HELLS: variants seen among roughly 807,000 people sequenced by gnomAD.
HELLS encodes the protein lymphoid-specific helicase.
Under a neutral mutation model 120.0 loss-of-function variants are expected in HELLS, and 32 were observed. The observed-to-expected ratio is 0.27, with a 90% CI of 0.20 to 0.36. HELLS has a LOEUF of 0.36. Ranked by LOEUF, HELLS falls within the 10% of genes least tolerant of loss-of-function variation. The pLI is 1.00. For missense variants in HELLS, 650 were observed against 993.4 expected (o/e 0.65, Z 4.65); for synonymous variants, 341 against 323.4 (o/e 1.05, Z -0.58).
chr10:94,579,433 C>T (rs928641501), intron 10 of HELLS, among the ~76,000 whole-genome samples: 1 of 151,846 alleles, frequency 6.6e-6, no homozygotes, highest in Admixed American at 6.6e-5. Flanking sequence ...GATCTCCTGC[C>T]CTCGTGATCC....
chr10:94,595,830 T>C (rs140789253), intron 19 of HELLS, among the ~76,000 whole-genome samples: 3 of 152,344 alleles, frequency 2.0e-5, no homozygotes, highest in Non-Finnish European at 2.9e-5. Flanking sequence ...ATAATGTTAA[T>C]GTGAAAAGTA....
intron 10 of HELLS, among the ~76,000 whole-genome samples, chr10:94,580,184 C>A (rs1319832760): frequency 2.8e-4 from 22 of 77,514 alleles, no homozygotes; most frequent in African/African-American, 1.1e-3. Flanking sequence ...CACACACACA[C>A]ATTTTTTTTT....
chr10:94,551,494 G>C (rs1477977827), intron 2 of HELLS, among the ~76,000 whole-genome samples: 1 of 152,000 alleles, frequency 6.6e-6, no homozygotes, highest in African/African-American at 2.4e-5. Flanking sequence ...TTGAACCCGG[G>C]AGGCGGAGGC....
At chr10:94,559,782 A>AAAT (rs1843460158) in intron 4 of HELLS, among the ~76,000 whole-genome samples, 1 of 152,128 alleles carries the variant, frequency 6.6e-6, no homozygotes, top group Non-Finnish European at 1.5e-5. Flanking sequence ...TATATTAAAT[A>AAAT]AGATATCTTT....
chr10:94,554,644 GTTTTTTTTTTTGT>G (rs1046085046), intron 3 of HELLS, among the ~76,000 whole-genome samples: 10 of 103,072 alleles, frequency 9.7e-5, no homozygotes, highest in African/African-American at 3.9e-4. Flanking sequence ...AAGTAATAGT[GTTTTTTTTTTTGT>G]TTTTTTTTTT....
chr10:94,583,843 T>C, intron 12 of HELLS: 1 of 391,440 alleles, frequency 2.6e-6, no homozygotes, highest in East Asian at 3.6e-5. Flanking sequence ...CAGTTTTTAA[T>C]AGCTGCTTAT....
downstream of HELLS, among the ~76,000 whole-genome samples, chr10:94,605,637 T>C (rs2134143726): frequency 6.6e-6 from 1 of 150,856 alleles, no homozygotes; most frequent in African/African-American, 2.4e-5. Flanking sequence ...AGAAAATTAA[T>C]GGTTCCTTTT....
At chr10:94,554,644 GT>G (rs199878580) in intron 3 of HELLS, among the ~76,000 whole-genome samples, 194 of 103,102 alleles carry the variant, frequency 1.9e-3, no homozygotes, top group African/African-American at 7.2e-3. Context: ...AAGTAATAGT[GT>G]TTTTTTTTTT....
At chr10:94,604,544 C>T (rs1846106179), downstream of HELLS, among the ~76,000 whole-genome samples, 1 of 141,570 alleles carries the variant, frequency 7.1e-6, no homozygotes, top group Non-Finnish European at 1.5e-5. Context: ...GCCTTGGGAT[C>T]ATTTACTGTT....
At chr10:94,601,368 T>G (rs1346031137) in intron 21 of HELLS, among the ~76,000 whole-genome samples, 160 bp from the exon 22 acceptor site, 1 of 152,174 alleles carries the variant, frequency 6.6e-6, no homozygotes, top group Non-Finnish European at 1.5e-5. Flanking sequence ...TTCACTGCTA[T>G]TAAATCTTGG....
intron 13 of HELLS, 24 bp downstream of exon 13, chr10:94,588,414 G>A (rs770852257): frequency 4.0e-6 from 6 of 1,487,452 alleles, no homozygotes; most frequent in Non-Finnish European, 5.4e-6. Flanking sequence ...GAAATGTACT[G>A]TAAATGAAAC....
chr10:94,596,278 A>G (rs1374053386), intron 19 of HELLS, among the ~76,000 whole-genome samples: 2 of 152,170 alleles, frequency 1.3e-5, no homozygotes, highest in African/African-American at 2.4e-5. Context: ...ATGTACTCCT[A>G]TGTAACTATC....
chr10:94,593,191 C>T (rs1003066897), intron 17 of HELLS, among the ~76,000 whole-genome samples: 14 of 152,200 alleles, frequency 9.2e-5, no homozygotes, highest in African/African-American at 3.4e-4. Context: ...AGTCAATTCT[C>T]CCCTGCACCC....
chr10:94,604,150 A>C (rs1846100651), downstream of HELLS, among the ~76,000 whole-genome samples: 2 of 143,472 alleles, frequency 1.4e-5, no homozygotes, highest in Admixed American at 1.4e-4. Context: ...TTTTATAAAC[A>C]GTTTCACTTC....
downstream of HELLS, among the ~76,000 whole-genome samples, chr10:94,603,815 G>A (rs1437398581): frequency 6.7e-6 from 1 of 150,100 alleles, no homozygotes; most frequent in Non-Finnish European, 1.5e-5. Context: ...CTTGTTGCCT[G>A]TACTTTTTCT....
chr10:94,602,788 A>G (rs1019547173), downstream of HELLS, among the ~76,000 whole-genome samples: 5 of 152,168 alleles, frequency 3.3e-5, no homozygotes, highest in African/African-American at 1.2e-4. Context: ...CAGATAGAAC[A>G]TTTGGTTAAA....
At chr10:94,556,221 G>A (rs777589294) in intron 3 of HELLS, among the ~76,000 whole-genome samples, 45 of 152,172 alleles carry the variant, frequency 3.0e-4, no homozygotes, top group Admixed American at 2.6e-4. Flanking sequence ...AGAAATGCTT[G>A]TTTGGTGTAT....
At chr10:94,612,320 A>G (rs1196072773) in exon 10 of HELLS, 1 of 152,242 alleles carries the variant, frequency 6.6e-6, no homozygotes, top group Non-Finnish European at 1.5e-5. Flanking sequence ...CCTAACCAAG[A>G]GTCACAGACA....
intron 2 of HELLS, among the ~76,000 whole-genome samples, chr10:94,553,252 CT>C (rs773880491): frequency 8.4e-4 from 122 of 144,572 alleles, no homozygotes; most frequent in South Asian, 2.2e-3. Context: ...TTACACATAC[CT>C]TTTTTTTTTT....
Sources: allele counts gnomAD v4.1 joint callset (sites outside exome capture counted in the v4.1 genomes callset), GRCh38; gene constraint gnomAD v4.1.1; transcripts MANE v1.5; gene names NCBI Gene and HGNC (gene_info 2026-07-23, HGNC 2026-07-21).